TNNI3K: variants seen among roughly 807,000 people sequenced by gnomAD.
The protein encoded by TNNI3K is serine/threonine-protein kinase TNNI3K.
A neutral mutation model predicts 114.5 loss-of-function variants in TNNI3K; 140 were observed. That is an observed-to-expected ratio of 1.22 (90% CI 1.07 to 1.41). TNNI3K has a LOEUF of 1.41. TNNI3K is among the 40% of genes most tolerant of loss of function. The pLI, the probability that TNNI3K is intolerant of heterozygous loss-of-function variation, is 0.00. For synonymous variants in TNNI3K, 347 were observed against 347.5 expected (o/e 1.00, Z 0.02); for missense variants, 1,125 against 1,007.6 (o/e 1.12, Z -1.58).
chr1:74,355,604 A>AAAAT (rs45582636), intron 11 of TNNI3K, among the ~76,000 whole-genome samples: 5,250 of 151,704 alleles, frequency 0.035, 294 homozygotes, highest in African/African-American at 0.12. Flanking sequence ...CTCCGTCTCA[A>AAAAT]AAATAAATAA....
rs964326677 is a variant in TNNI3K, at chr1:74,436,144, C to A, written c.1825+12C>A. On this transcript the variant is annotated intron_variant, in intron 18 of 24. Transcript: ENST00000326637. Reference sequence around the variant, plus strand: ...GGCAGATTTTGGAGGTGAGATACCCCAAAATGGCATCCTTTTTTTCTTTGT... The same window carrying A: ...GGCAGATTTTGGAGGTGAGATACCCAAAAATGGCATCCTTTTTTTCTTTGT... The A allele has an allele frequency of 1.2e-6, 2 of 1,609,262 alleles. No homozygotes were observed. The highest frequency in any genetic ancestry group is 1.7e-6 in the Non-Finnish European group (2 of 1,178,300).
intron 24 of TNNI3K, among the ~76,000 whole-genome samples, chr1:74,543,062 CCCTTT>C (rs747090347): frequency 0.37 from 38,939 of 103,932 alleles, 13,390 homozygotes; most frequent in East Asian, 0.68. Flanking sequence ...TTTTCTTTTT[CCCTTT>C]TTTTTTTTTT....
At chr1:74,239,871 G>A (rs72670791) in intron 2 of TNNI3K, 1 of 454,848 alleles carries the variant, frequency 2.2e-6, no homozygotes, top group South Asian at 1.6e-5. Context: ...AGCTTGATGT[G>A]GGAGAGAGGG....
chr1:74,297,020 T>C (rs1224404206), intron 5 of TNNI3K, among the ~76,000 whole-genome samples: 1 of 152,200 alleles, frequency 6.6e-6, no homozygotes, highest in Non-Finnish European at 1.5e-5. Context: ...TGAGAAAATA[T>C]CTCAGGCATT....
At chr1:74,475,710 G>A in intron 21 of TNNI3K, 2 of 699,314 alleles carry the variant, frequency 2.9e-6, no homozygotes, top group East Asian at 2.7e-5. Flanking sequence ...GTTCATCGAA[G>A]GTTCTGCAAC....
At chr1:74,471,568 C>G (rs973196935) in intron 21 of TNNI3K, 19 of 400,494 alleles carry the variant, frequency 4.7e-5, no homozygotes, top group Non-Finnish European at 8.0e-5. Context: ...TCCTTTGTTT[C>G]TCTCCCCAGT....
Position 74,436,076 on chromosome 1 carries a change from A to G in TNNI3K, c.1773-4A>G. The G allele has an allele frequency of 1.3e-6, 2 of 1,481,538 alleles. No homozygotes were observed. The highest frequency in any genetic ancestry group is 1.8e-6 in the Non-Finnish European group (2 of 1,125,706). 91.8% of individuals were successfully genotyped at this position (1,481,538 alleles called of 1,614,324 possible). A position where few individuals can be genotyped will look rare whatever the true frequency, so the allele number is the denominator to read the frequency against. On this transcript the variant is annotated splice_region_variant and splice_polypyrimidine_tract_variant and intron_variant, in intron 17 of 24. Coordinates refer to ENST00000326637, the MANE Select transcript of TNNI3K (RefSeq NM_015978.3). ...TCTACTTTTTTTTTTTTTTTTTTTT[A>G]CAGTCACAATATTCTTCTCTATGAG... is the stretch of plus-strand genomic sequence containing the variant.
At chr1:74,260,823 C>T (rs545722334) in intron 4 of TNNI3K, among the ~76,000 whole-genome samples, 3 of 152,142 alleles carry the variant, frequency 2.0e-5, no homozygotes, top group South Asian at 4.1e-4. Context: ...TCTTTTATCA[C>T]GTCCTCTATA....
chr1:74,381,223 G>T (rs1215115780), intron 17 of TNNI3K, among the ~76,000 whole-genome samples: 1 of 152,168 alleles, frequency 6.6e-6, no homozygotes, highest in East Asian at 1.9e-4. Flanking sequence ...CTAATTGACG[G>T]CATGGGCTCT....
chr1:74,390,685 A>G (rs1336500877), intron 17 of TNNI3K, among the ~76,000 whole-genome samples: 1 of 152,182 alleles, frequency 6.6e-6, no homozygotes, highest in Non-Finnish European at 1.5e-5. Context: ...GAGGTAGGGC[A>G]GGAGGAGACA....
chr1:74,293,683 C>A (rs1189665387), intron 5 of TNNI3K, among the ~76,000 whole-genome samples: 2 of 151,474 alleles, frequency 1.3e-5, no homozygotes, highest in African/African-American at 4.8e-5. Flanking sequence ...ATTTCTTTTT[C>A]TTTCCTTATT....
intron 17 of TNNI3K, among the ~76,000 whole-genome samples, chr1:74,425,424 C>A (rs937335340): frequency 1.3e-5 from 2 of 152,094 alleles, no homozygotes; most frequent in Admixed American, 6.5e-5. Flanking sequence ...TTTTGAGTCA[C>A]AAATTGGATA....
intron 7 of TNNI3K, among the ~76,000 whole-genome samples, chr1:74,336,830 T>C (rs932078492): frequency 4.6e-5 from 7 of 152,074 alleles, no homozygotes; most frequent in Admixed American, 4.6e-4. Context: ...TGTGTCTTTA[T>C]AGCAGCATGA....
chr1:74,352,444 A>G (rs1254583745), intron 9 of TNNI3K, among the ~76,000 whole-genome samples: 40 of 148,488 alleles, frequency 2.7e-4, no homozygotes, highest in Non-Finnish European at 2.9e-4. Flanking sequence ...CAGTCTGCCC[A>G]TTCTCAGATC....
intron 20 of TNNI3K, among the ~76,000 whole-genome samples, chr1:74,445,232 T>TA (rs1476100030): frequency 1.4e-5 from 2 of 141,356 alleles, no homozygotes; most frequent in African/African-American, 2.6e-5. Context: ...TTTTTTTTTT[T>TA]ATTATACTTT....
chr1:74,264,938 A>G (rs576228623), intron 4 of TNNI3K, among the ~76,000 whole-genome samples: 27 of 152,040 alleles, frequency 1.8e-4, no homozygotes, highest in Middle Eastern at 3.2e-3. Context: ...TTGTAAGGTA[A>G]GTAAGGTAGG....
At chr1:74,284,037 C>G (rs546728017) in intron 5 of TNNI3K, among the ~76,000 whole-genome samples, 2 of 152,194 alleles carry the variant, frequency 1.3e-5, no homozygotes, top group South Asian at 4.2e-4. Context: ...AGTTTGGAAA[C>G]CTCTGAGCTC....
chr1:74,354,117 G>A lies in TNNI3K; in HGVS notation c.1165G>A (p.Ala389Thr). The change falls in exon 11 of 25, where the codon GCT (alanine) becomes ACT (threonine). Residue 389 changes from alanine (A) to threonine (T), a missense_variant. Ala to Thr is a moderately conservative substitution (Grantham distance 58). Coordinates refer to ENST00000326637, the MANE Select transcript of TNNI3K (RefSeq NM_015978.3). The part of the protein sequence containing the change: ...EKDEQTCLMW[A>T]YEKGHDAIVT... ...AGATGAGCAGACATGTTTGATGTGG[G>A]CTTATGAAAAAGGTATATTTTTAAT... The A allele has an allele frequency of 6.2e-7, 1 of 1,613,876 alleles. No homozygotes were observed. Among genetic ancestry groups the A allele is most frequent in the Non-Finnish European group, 8.5e-7 (1 of 1,179,920 alleles).
chr1:74,402,107 T>C (rs1664393529), intron 17 of TNNI3K: 1 of 197,070 alleles, frequency 5.1e-6, no homozygotes, highest in Admixed American at 5.6e-5. Context: ...TGTTCCACCA[T>C]AAAGAATTAT....
Sources: allele counts gnomAD v4.1 joint callset (sites outside exome capture counted in the v4.1 genomes callset), GRCh38; gene constraint gnomAD v4.1.1; transcripts MANE v1.5; gene names NCBI Gene and HGNC (gene_info 2026-07-23, HGNC 2026-07-21).